RERE: variants seen among roughly 807,000 people sequenced by gnomAD.
RERE encodes the protein arginine-glutamic acid dipeptide repeats, also known as arginine-glutamic acid dipeptide repeats protein.
RERE carries 40 observed loss-of-function variants against 146.1 expected under a neutral mutation model. The ratio of observed to expected loss-of-function variants is 0.27; its 90% CI spans 0.21 to 0.36. The LOEUF (loss-of-function observed/expected upper bound fraction) is 0.36, where lower values mean the gene tolerates loss of function less well. Among genes scored for constraint, RERE ranks in the 10% least tolerant of loss-of-function variants. The pLI, the probability that RERE is intolerant of heterozygous loss-of-function variation, is 1.00. For missense variants in RERE, 1,933 were observed against 2,138.7 expected (o/e 0.90, Z 1.90); for synonymous variants, 1,003 against 866.0 (o/e 1.16, Z -2.78).
At chr1:8,606,778 C>T (rs1375400496) in intron 4 of RERE, among the ~76,000 whole-genome samples, 1 of 152,102 alleles carries the variant, frequency 6.6e-6, no homozygotes, top group Non-Finnish European at 1.5e-5. Flanking sequence ...CTAAGATTTT[C>T]TATTCTCAAA....
At chr1:8,719,328 A>G (rs1639819298) in intron 1 of RERE, among the ~76,000 whole-genome samples, 1 of 152,216 alleles carries the variant, frequency 6.6e-6, no homozygotes, top group African/African-American at 2.4e-5. Context: ...TTATTGTCCA[A>G]GCACTCTGTT....
intron 10 of RERE, among the ~76,000 whole-genome samples, chr1:8,474,458 C>G (rs775181826): frequency 2.6e-5 from 4 of 152,204 alleles, no homozygotes; most frequent in Non-Finnish European, 5.9e-5. Flanking sequence ...TTACAGCAGT[C>G]ATTAAACATC....
At chr1:8,666,365 G>T (rs1287345256) in intron 1 of RERE, among the ~76,000 whole-genome samples, 2 of 152,126 alleles carry the variant, frequency 1.3e-5, no homozygotes, top group African/African-American at 2.4e-5. Context: ...CCTCCTTTAG[G>T]AACACAAGGC....
intron 7 of RERE, among the ~76,000 whole-genome samples, chr1:8,510,881 T>C (rs1241286022): frequency 2.0e-5 from 3 of 152,192 alleles, no homozygotes; most frequent in Non-Finnish European, 2.9e-5. Flanking sequence ...ATGGCTACAC[T>C]GTTAAGTCCT....
chr1:8,649,838 G>GT (rs1557457237), intron 2 of RERE, among the ~76,000 whole-genome samples: 1 of 151,928 alleles, frequency 6.6e-6, no homozygotes, highest in Non-Finnish European at 1.5e-5. Flanking sequence ...AAGAATTGCT[G>GT]TTTTTTTGGA....
chr1:8,381,619 T>C (rs1346978638), intron 12 of RERE, among the ~76,000 whole-genome samples: 1 of 152,266 alleles, frequency 6.6e-6, no homozygotes, highest in East Asian at 1.9e-4. Flanking sequence ...TACATTAAAG[T>C]AAAAAACAAA....
At chr1:8,592,639 T>C (rs1041371596) in intron 4 of RERE, among the ~76,000 whole-genome samples, 4 of 152,000 alleles carry the variant, frequency 2.6e-5, no homozygotes, top group Admixed American at 2.0e-4. Flanking sequence ...TCCAGCACTT[T>C]GGGAGGCCTA....
intron 2 of RERE, among the ~76,000 whole-genome samples, chr1:8,635,077 T>A (rs1367826811): frequency 6.6e-6 from 1 of 152,152 alleles, no homozygotes; most frequent in Admixed American, 6.5e-5. Flanking sequence ...ATCAAGACAC[T>A]TTCCTATGAC....
At chr1:8,775,333 A>G (rs975342667) in intron 1 of RERE, among the ~76,000 whole-genome samples, 2 of 152,154 alleles carry the variant, frequency 1.3e-5, no homozygotes, top group Non-Finnish European at 2.9e-5. Flanking sequence ...ACACTTTGGG[A>G]GGCCGAAGCA....
At chr1:8,574,638 G>GCTAAGCCAAA (rs1200985590) in intron 4 of RERE, among the ~76,000 whole-genome samples, 1 of 152,082 alleles carries the variant, frequency 6.6e-6, no homozygotes, top group Non-Finnish European at 1.5e-5. Flanking sequence ...ACAAAAACAT[G>GCTAAGCCAAA]AATTTCACAA....
At chr1:8,547,887 G>C (rs893844599) in intron 6 of RERE, among the ~76,000 whole-genome samples, 19 of 152,090 alleles carry the variant, frequency 1.2e-4, no homozygotes, top group Non-Finnish European at 2.4e-4. Context: ...CCAATGATAA[G>C]AAAATATATA....
intron 6 of RERE, among the ~76,000 whole-genome samples, chr1:8,554,187 GA>G (rs1557684341): frequency 6.6e-6 from 1 of 151,906 alleles, no homozygotes; most frequent in African/African-American, 2.4e-5. Flanking sequence ...CCCCGTCTCA[GA>G]AAAAAAGATT....
chr1:8,507,446 C>T (rs540009286), intron 8 of RERE, among the ~76,000 whole-genome samples: 14 of 152,320 alleles, frequency 9.2e-5, no homozygotes, highest in Admixed American at 1.3e-4. Context: ...CTCGCTCTGT[C>T]GCCCAGGCTG....
At chr1:8,623,312 G>T (rs762496976) in intron 3 of RERE, among the ~76,000 whole-genome samples, 1 of 152,100 alleles carries the variant, frequency 6.6e-6, no homozygotes, top group Non-Finnish European at 1.5e-5. Context: ...TCAGCCGGTT[G>T]TACTGGCACG....
intron 1 of RERE, among the ~76,000 whole-genome samples, chr1:8,792,230 T>C (rs1480284109): frequency 2.0e-5 from 3 of 152,226 alleles, no homozygotes; most frequent in Non-Finnish European, 4.4e-5. Flanking sequence ...GCTTTATCTA[T>C]GCACATAAAA....
At chr1:8,633,237 T>G (rs570947104) in intron 2 of RERE, among the ~76,000 whole-genome samples, 1 of 152,186 alleles carries the variant, frequency 6.6e-6, no homozygotes, top group African/African-American at 2.4e-5. Context: ...CTGAGCAACA[T>G]AGCAAGACTC....
At position 8,601,758 on chromosome 1, in the gene RERE, C is replaced by G. The variant is rs1337732493; in HGVS notation, c.522+12803G>C. Among the ~76,000 whole-genome samples the G allele has an allele frequency of 2.7e-5, 4 of 150,150 alleles. 1 individual carries two copies. Among genetic ancestry groups the G allele is most frequent in the African/African-American group, 9.8e-5 (4 of 40,798 alleles). On this transcript the variant is annotated intron_variant, in intron 4 of 22. Coordinates refer to ENST00000400908, the MANE Select transcript of RERE (RefSeq NM_001042681.2). ...GTCAACACACACACACACACACACACACACACACACACACACACAAACACA... is the reference window on the plus strand; with the variant it reads ...GTCAACACACACACACACACACACAGACACACACACACACACACAAACACA...
At chr1:8,510,352 A>G (rs1645318596) in intron 7 of RERE, among the ~76,000 whole-genome samples, 1 of 152,192 alleles carries the variant, frequency 6.6e-6, no homozygotes, top group South Asian at 2.1e-4. Flanking sequence ...TCCAAGTAGA[A>G]ATGAAAGCAT....
At chr1:8,490,004 C>A (rs1433649531) in intron 10 of RERE, among the ~76,000 whole-genome samples, 1 of 149,766 alleles carries the variant, frequency 6.7e-6, no homozygotes, top group Non-Finnish European at 1.5e-5. Flanking sequence ...AAGCGTAGAT[C>A]GCACCACTCA....
Sources: allele counts gnomAD v4.1 joint callset (sites outside exome capture counted in the v4.1 genomes callset), GRCh38; gene constraint gnomAD v4.1.1; transcripts MANE v1.5; gene names NCBI Gene and HGNC (gene_info 2026-07-23, HGNC 2026-07-21).